HTR1E: variants seen among roughly 807,000 people sequenced by gnomAD.
HTR1E encodes the protein 5-HT-1E.
A neutral mutation model predicts 3.4 loss-of-function variants in HTR1E; 3 were observed. The ratio of observed to expected loss-of-function variants is 0.89; its 90% CI spans 0.41 to 2.31. The LOEUF (loss-of-function observed/expected upper bound fraction) is 2.31. Among genes scored for constraint, HTR1E ranks in the 30% most tolerant of loss-of-function variants. HTR1E has a pLI of 0.05. For missense variants in HTR1E, 392 were observed against 467.0 expected, an observed-to-expected ratio of 0.84 and a Z score of 1.48; for synonymous variants, 170 against 182.8, an observed-to-expected ratio of 0.93 and a Z score of 0.56.
intron 1 of HTR1E, among the ~76,000 whole-genome samples, chr6:86,994,243 C>T (rs1767907057): frequency 6.6e-6 from 1 of 151,846 alleles, no homozygotes; most frequent in Non-Finnish European, 1.5e-5. Flanking sequence ...TAAAAATGTC[C>T]CATTTTGGCA....
rs779809217 is a variant in HTR1E at position 87,015,225 on chromosome 6, G to A, written c.-110G>A. 55 of 931,710 alleles carry A rather than the reference G, an allele frequency of 5.9e-5. No homozygotes were observed. Among genetic ancestry groups the A allele is most frequent in the African/African-American group, 1.7e-5 (1 of 59,764 alleles). 57.7% of individuals were successfully genotyped at this position (931,710 alleles called of 1,614,324 possible). On this transcript the variant is annotated 5_prime_UTR_variant, in exon 2 of 2. The change abolishes the stop of an existing upstream ORF in the 5' untranslated region. Transcript: ENST00000305344. The stretch of plus-strand genomic sequence containing the variant: ...ATGGAACACAAGAGACCACATAGCT[G>A]AACAAATTATAGCCTCCTTACAAGT...
chr6:87,007,984 C>G (rs1316907386), intron 1 of HTR1E, among the ~76,000 whole-genome samples: 3 of 151,974 alleles, frequency 2.0e-5, no homozygotes, highest in Non-Finnish European at 4.4e-5. Context: ...TTAAAAAATA[C>G]AAAGGCAAAC....
In HTR1E at chr6:86,959,663, G is replaced by A. The variant is rs1767379076; in HGVS notation, c.-186+21840G>A. On this transcript the variant is annotated intron_variant, in intron 1 of 1. Coordinates refer to ENST00000305344, the MANE Select transcript of HTR1E (RefSeq NM_000865.3). ...CCTCAGCTGGAGCCTTAGCTGTGTAGGTAACACAGAGAGTATCCTGTGGTG... is the reference window on the plus strand; with the variant it reads ...CCTCAGCTGGAGCCTTAGCTGTGTAAGTAACACAGAGAGTATCCTGTGGTG... Among the ~76,000 whole-genome samples the A allele has an allele frequency of 2.0e-5, 3 of 152,282 alleles. No individual in the cohort carries two copies. In the South Asian group the frequency reaches 6.2e-4, roughly 32 times the overall value.
At chr6:86,970,176 C>T (rs1238929894) in intron 1 of HTR1E, among the ~76,000 whole-genome samples, 1 of 152,136 alleles carries the variant, frequency 6.6e-6, no homozygotes, top group East Asian at 1.9e-4. Context: ...ATTGTATTCC[C>T]AGGGCTCCAT....
chr6:86,992,402 GT>G (rs1767881322), intron 1 of HTR1E, among the ~76,000 whole-genome samples: 1 of 152,118 alleles, frequency 6.6e-6, no homozygotes, highest in South Asian at 2.1e-4. Flanking sequence ...ATTAAAAACA[GT>G]TTTTCAATTC....
chr6:86,993,272 T>A (rs1370240926), intron 1 of HTR1E, among the ~76,000 whole-genome samples: 1 of 147,336 alleles, frequency 6.8e-6, no homozygotes, highest in Non-Finnish European at 1.5e-5. Context: ...AAAGTTTATT[T>A]AAAAAAAAAA....
intron 1 of HTR1E, among the ~76,000 whole-genome samples, chr6:86,961,683 G>C (rs1167308852): frequency 6.6e-6 from 1 of 152,232 alleles, no homozygotes; most frequent in Admixed American, 6.5e-5. Context: ...AGCAGGAGAA[G>C]AGGGATGAGG....
intron 1 of HTR1E, among the ~76,000 whole-genome samples, chr6:86,981,144 AGATATCCACC>A (rs1487102359): frequency 3.9e-5 from 6 of 152,232 alleles, no homozygotes; most frequent in Admixed American, 3.9e-4. Context: ...ACAGAGGCTC[AGATATCCACC>A]GACTTTAAGT....
chr6:86,951,707 T>G (rs1322054883), intron 1 of HTR1E, among the ~76,000 whole-genome samples: 1 of 152,206 alleles, frequency 6.6e-6, no homozygotes, highest in Non-Finnish European at 1.5e-5. Flanking sequence ...TTATGAAGGA[T>G]ATATTCGAAA....
In HTR1E at chr6:86,994,827, T is replaced by G. The variant is rs561507187; in HGVS notation, c.-185-20323T>G. 2.0e-5 allele frequency among the ~76,000 whole-genome samples: 3 copies of G among 152,278 alleles called. No individual in the cohort carries two copies. In the East Asian group the frequency reaches 5.8e-4, roughly 29 times the overall value. ...GTAGAGGAAATATTTAAGATAATTTTATTATAAATGGAAAGAGGGTAAAAT... is the reference window on the plus strand; with the variant it reads ...GTAGAGGAAATATTTAAGATAATTTGATTATAAATGGAAAGAGGGTAAAAT... On this transcript the variant is annotated intron_variant, in intron 1 of 1. Transcript: ENST00000305344.
chr6:86,944,552 T>C (rs188257653), intron 1 of HTR1E, among the ~76,000 whole-genome samples: 2 of 152,346 alleles, frequency 1.3e-5, no homozygotes, highest in African/African-American at 4.8e-5. Context: ...GATAGTGATA[T>C]AAGAACAGCA....
intron 1 of HTR1E, among the ~76,000 whole-genome samples, chr6:86,982,920 G>C (rs1767733709): frequency 6.6e-6 from 1 of 152,150 alleles, no homozygotes; most frequent in South Asian, 2.1e-4. Context: ...TCTGATTAAA[G>C]AAAGAGGAAA....
chr6:87,010,069 C>T (rs1582285026), intron 1 of HTR1E, among the ~76,000 whole-genome samples: 1 of 134,652 alleles, frequency 7.4e-6, no homozygotes, highest in Admixed American at 7.2e-5. Context: ...GCTGACCCCC[C>T]CACCTCCCTC....
At chr6:86,963,752 T>C (rs1470615617) in intron 1 of HTR1E, among the ~76,000 whole-genome samples, 1 of 152,186 alleles carries the variant, frequency 6.6e-6, no homozygotes, top group Non-Finnish European at 1.5e-5. Flanking sequence ...GTAGGAGCAA[T>C]AGGCTATATC....
intron 1 of HTR1E, among the ~76,000 whole-genome samples, chr6:87,002,427 G>A (rs1022457801): frequency 1.3e-5 from 2 of 152,242 alleles, no homozygotes; most frequent in African/African-American, 4.8e-5. Context: ...CGAGGAGGTT[G>A]CCACTGCTGG....
chr6:86,985,817 G>C (rs1252369585), intron 1 of HTR1E, among the ~76,000 whole-genome samples: 1 of 152,148 alleles, frequency 6.6e-6, no homozygotes, highest in Non-Finnish European at 1.5e-5. Flanking sequence ...TTCAATGTGT[G>C]CATCAACTTG....
At chr6:86,982,896 T>C (rs1767733529) in intron 1 of HTR1E, among the ~76,000 whole-genome samples, 2 of 152,090 alleles carry the variant, frequency 1.3e-5, no homozygotes, top group South Asian at 4.1e-4. Context: ...CCATCCAGCG[T>C]GAAGTCTATG....
rs371516749 is a variant in HTR1E at position 87,015,739 on chromosome 6, G to A, written c.405G>A (p.Thr135=). The A allele has an allele frequency of 3.4e-5, 54 of 1,609,576 alleles. No individual in the cohort carries two copies. Among genetic ancestry groups the A allele is most frequent in the Middle Eastern group, 3.3e-4 (2 of 6,048 alleles). The change falls in exon 2 of 2, where the codon ACG becomes ACA. Residue 135 remains threonine, a synonymous_variant. Coordinates refer to ENST00000305344, the MANE Select transcript of HTR1E (RefSeq NM_000865.3). ...TNAIEYARKR[T]AKRAALMILT... ...CTATTGAATACGCCAGGAAGAGGAC[G>A]GCCAAGAGGGCCGCGCTGATGATCC... is the stretch of plus-strand genomic sequence containing the variant.
intron 1 of HTR1E, among the ~76,000 whole-genome samples, chr6:86,963,455 T>C (rs1389602227): frequency 6.6e-6 from 1 of 152,154 alleles, no homozygotes; most frequent in Non-Finnish European, 1.5e-5. Flanking sequence ...GAAAATATTG[T>C]TTATAAATTT....
Sources: allele counts gnomAD v4.1 joint callset (sites outside exome capture counted in the v4.1 genomes callset), GRCh38; gene constraint gnomAD v4.1.1; transcripts MANE v1.5; gene names NCBI Gene and HGNC (gene_info 2026-07-23, HGNC 2026-07-21).